The following LRRC73 variants were observed in gnomAD, a reference collection of about 807,000 sequenced individuals.
LRRC73 encodes the protein leucine-rich repeat-containing protein 73.
A neutral mutation model predicts 26.4 loss-of-function variants in LRRC73; 16 were observed. The ratio of observed to expected loss-of-function variants is 0.61; its 90% CI spans 0.41 to 0.92. The LOEUF is 0.92. Among genes scored for constraint, LRRC73 ranks in the 40% least tolerant of loss-of-function variants. LRRC73 has a pLI of 0.00. For synonymous variants in LRRC73, 210 were observed against 179.8 expected (o/e 1.17, Z -1.34); for missense variants, 344 against 416.3 (o/e 0.83, Z 1.51).
At chr6:43,507,102 T>C in exon 6 of LRRC73, 1 of 854,122 alleles carries the variant, frequency 1.2e-6, no homozygotes, top group Non-Finnish European at 1.9e-6. Context: ...CCCACCACAC[T>C]GCCAGGAGCT....
intron 2 of LRRC73, 145 bp downstream of exon 2, chr6:43,508,615 G>T: frequency 1.4e-6 from 2 of 1,385,056 alleles, no homozygotes; most frequent in Non-Finnish European, 2.0e-6. Flanking sequence ...TCTCCATGCT[G>T]CCCCCCGTCC....
exon 1 of LRRC73, chr6:43,509,750 C>T: frequency 1.9e-6 from 3 of 1,583,896 alleles, no homozygotes; most frequent in African/African-American, 1.3e-5. Flanking sequence ...CGCCGGACAG[C>T]GGCTCCCCCG....
At position 43,507,561 on chromosome 6, in the gene LRRC73, C is replaced by A; in HGVS notation, c.775G>T (p.Glu259Ter). 8 of 1,614,066 alleles carry A rather than the reference C, an allele frequency of 5.0e-6. No homozygotes were observed. Among genetic ancestry groups the A allele is most frequent in the Non-Finnish European group, 6.8e-6 (8 of 1,180,038 alleles). Residue 259 changes from glutamate (E) to a stop codon, truncating the protein, a stop_gained, in exon 5 of 6, where the codon GAG becomes TAG. Transcript: ENST00000372441. LOFTEE classifies it high-confidence loss of function. ...GCCCCTCCTGCCACTTCCTCCTCCT[C>A]CTCTCCCTCAGAGAGGAGGTCACAG... is the stretch of plus-strand genomic sequence containing the variant.
exon 5 of LRRC73, chr6:43,507,595 C>T (rs757833405): frequency 6.2e-7 from 1 of 1,614,110 alleles, no homozygotes; most frequent in East Asian, 2.2e-5. Flanking sequence ...AGATCTGTTG[C>T]TGCAGCTCTG....
At chr6:43,507,419 TC>T in intron 5 of LRRC73, 36 bp downstream of exon 5, 1 of 1,611,586 alleles carries the variant, frequency 6.2e-7, no homozygotes, top group East Asian at 2.2e-5. Flanking sequence ...CCGAGCCTCT[TC>T]CAGACCTGGC....
exon 6 of LRRC73, chr6:43,507,008 C>T: frequency 1.8e-6 from 1 of 556,814 alleles, no homozygotes; most frequent in Non-Finnish European, 3.2e-6. Context: ...GGGTTGCAGC[C>T]AGAGCTGCCA....
chr6:43,507,457 G>A lies in LRRC73; in HGVS notation c.879C>T (p.Ser293=), dbSNP rs61746927. The stretch of plus-strand genomic sequence containing the variant: ...CTGATCAACCCTCTGGGTTCTTACC[G>A]CTGGGGCACATCCAGGAGCTGCTGC... The change falls in exon 5 of 6, where the codon AGC becomes AGT. Residue 293 remains serine (S), a splice_region_variant and synonymous_variant. Transcript: ENST00000372441. 3.2e-3 allele frequency: 5,195 copies of A among 1,612,678 alleles called. 119 individuals are homozygous for A. The African/African-American group carries it at 0.053, about 16-fold the overall frequency.
rs752890905 is a variant in LRRC73 at position 43,507,941 on chromosome 6, C to CA, written c.557-16dup. ...CACATGGTCACCTGGGGAGACAACA[C>CA]ACGTGCACACATTCATACACATGCC... On this transcript the variant is annotated splice_polypyrimidine_tract_variant and intron_variant, in intron 3 of 5. Transcript: ENST00000372441. The CA allele has an allele frequency of 6.2e-7, 1 of 1,607,392 alleles. No homozygotes were observed. Among genetic ancestry groups the CA allele is most frequent in the South Asian group, 1.1e-5 (1 of 90,790 alleles).
exon 3 of LRRC73, chr6:43,508,373 C>T (rs1266988713): frequency 1.2e-6 from 2 of 1,613,578 alleles, no homozygotes; most frequent in Non-Finnish European, 1.7e-6. Context: ...CGGCTCCAGC[C>T]CTTAGGGGTG....
exon 3 of LRRC73, chr6:43,508,318 T>C: frequency 6.2e-7 from 1 of 1,613,086 alleles, no homozygotes; most frequent in Non-Finnish European, 8.5e-7. Flanking sequence ...GTAATCCAGA[T>C]TGAGGACGCG....
Position 43,508,622 on chromosome 6 carries a change from G to C in LRRC73, c.433+138C>G. 3 of 1,400,756 alleles carry C rather than the reference G, an allele frequency of 2.1e-6. No individual in the cohort carries two copies. In the South Asian group the frequency reaches 4.0e-5, roughly 19 times the overall value. 86.8% of individuals were successfully genotyped at this position (1,400,756 alleles called of 1,614,324 possible). A position where few individuals can be genotyped will look rare whatever the true frequency, so the allele number is the denominator to read the frequency against. On this transcript the variant is annotated intron_variant, in intron 2 of 5. Coordinates refer to ENST00000372441, the Ensembl canonical transcript of LRRC73. The stretch of plus-strand genomic sequence containing the variant: ...TTCCTGAGTCTCCATGCTGCCCCCC[G>C]TCCTGCCCCTTCCTGAGAGGAGTAG...
chr6:43,509,391 G>GT (rs1792598387), intron 1 of LRRC73, 123 bp downstream of exon 1: 1 of 1,237,512 alleles, frequency 8.1e-7, no homozygotes, highest in South Asian at 1.6e-5. Context: ...GAGGCACGGT[G>GT]TATGTGCATA....
chr6:43,507,083 A>G (rs1792512376), exon 6 of LRRC73: 1 of 740,682 alleles, frequency 1.4e-6, no homozygotes, highest in Admixed American at 2.5e-5. Context: ...CAGCTTCCAG[A>G]GCTTCCTTCC....
At chr6:43,509,371 G>A (rs1792598004) in intron 1 of LRRC73, 143 bp downstream of exon 1, 10 of 1,084,042 alleles carry the variant, frequency 9.2e-6, no homozygotes, top group Middle Eastern at 3.1e-4. Flanking sequence ...GTGCTGTGAA[G>A]GCATGGGCCG....
chr6:43,509,006 G>A (rs1171997032), intron 1 of LRRC73, 86 bp from the exon 2 acceptor site: 19 of 1,365,142 alleles, frequency 1.4e-5, no homozygotes, highest in Non-Finnish European at 1.7e-5. Context: ...GTCAGCCCTA[G>A]GTATGGGGAG....
chr6:43,509,071 C>A, intron 1 of LRRC73, 151 bp from the exon 2 acceptor site: 1 of 786,134 alleles, frequency 1.3e-6, no homozygotes. Flanking sequence ...TCTAGATTCT[C>A]AGGGAATACA....
intron 2 of LRRC73, 97 bp from the exon 3 acceptor site, chr6:43,508,517 C>T: frequency 6.4e-7 from 1 of 1,557,214 alleles, no homozygotes; most frequent in Non-Finnish European, 8.7e-7. Context: ...TCCCTAGTGG[C>T]TGGGCACCAC....
At chr6:43,507,360 ACC>A in intron 5 of LRRC73, 52 bp from the exon 6 acceptor site, 5 of 1,610,478 alleles carry the variant, frequency 3.1e-6, no homozygotes, top group Non-Finnish European at 4.2e-6. Flanking sequence ...TCCAATGGGG[ACC>A]ACAGATAGGT....
At chr6:43,510,344 G>C (rs1311421546) in exon 1 of LRRC73, 1 of 152,416 alleles carries the variant, frequency 6.6e-6, no homozygotes, top group East Asian at 1.9e-4. Context: ...TCCAGCTCCA[G>C]AGAGCGAGCG....
Sources: allele counts gnomAD v4.1 joint callset, GRCh38; gene constraint gnomAD v4.1.1; transcripts MANE v1.5; gene names NCBI Gene and HGNC (gene_info 2026-07-23, HGNC 2026-07-21).